Variants in BACH2 observed in about 807,000 individuals in gnomAD.
BACH2 encodes transcription regulator protein BACH2.
Under a neutral mutation model 61.8 loss-of-function variants are expected in BACH2, and 5 were observed. The observed-to-expected ratio is 0.08, with a 90% CI of 0.04 to 0.17. The LOEUF (loss-of-function observed/expected upper bound fraction) is 0.17. Ranked by LOEUF, BACH2 falls within the 10% of genes least tolerant of loss-of-function variation. The pLI, the probability that BACH2 is intolerant of heterozygous loss-of-function variation, is 1.00. For missense variants in BACH2, 824 were observed against 1,091.1 expected (o/e 0.76, Z 3.45); for synonymous variants, 446 against 440.1 (o/e 1.01, Z -0.17).
intron 5 of BACH2, among the ~76,000 whole-genome samples, chr6:90,018,036 C>T (rs571767377): frequency 4.6e-5 from 7 of 152,162 alleles, no homozygotes; most frequent in Non-Finnish European, 1.0e-4. Context: ...GTCTAGGGTT[C>T]ATTACTCCCT....
intron 6 of BACH2, among the ~76,000 whole-genome samples, chr6:89,963,911 A>T (rs1367872295): frequency 6.6e-6 from 1 of 152,228 alleles, no homozygotes; most frequent in African/African-American, 2.4e-5. Context: ...TCTAACATGG[A>T]TGAACCTTGA....
chr6:90,122,332 C>T (rs1483238611), intron 4 of BACH2, among the ~76,000 whole-genome samples: 1 of 151,952 alleles, frequency 6.6e-6, no homozygotes, highest in Admixed American at 6.5e-5. Context: ...CGAGTCAGTA[C>T]AACACAAAAA....
At chr6:90,139,475 T>C (rs1176825386) in intron 4 of BACH2, among the ~76,000 whole-genome samples, 1 of 152,220 alleles carries the variant, frequency 6.6e-6, no homozygotes, top group Non-Finnish European at 1.5e-5. Flanking sequence ...TACGTGGAGC[T>C]GTCTTCGCTT....
intron 5 of BACH2, among the ~76,000 whole-genome samples, chr6:90,055,532 A>C (rs1452920554): frequency 6.6e-6 from 1 of 152,108 alleles, no homozygotes; most frequent in Non-Finnish European, 1.5e-5. Flanking sequence ...GAATGGAACC[A>C]AGTTGGAAAA....
chr6:89,980,067 C>T (rs551472826), intron 6 of BACH2, among the ~76,000 whole-genome samples: 41 of 152,142 alleles, frequency 2.7e-4, no homozygotes, highest in Middle Eastern at 3.4e-3. Flanking sequence ...CTGAGGTAGG[C>T]GGATCACCTG....
chr6:90,158,766 G>T (rs1007340321), intron 4 of BACH2, among the ~76,000 whole-genome samples: 54 of 25,502 alleles, frequency 2.1e-3, no homozygotes, highest in African/African-American at 2.3e-3. Context: ...TTCTTTTGGT[G>T]GGGGGGGGGC....
In BACH2 at chr6:90,276,624, T is replaced by TGA. The variant is rs1197515542; in HGVS notation, c.-445-4685_-445-4684dup. 3.9e-5 allele frequency among the ~76,000 whole-genome samples: 6 copies of TGA among 152,040 alleles called. No individual in the cohort carries two copies. In the East Asian group the frequency reaches 5.8e-4, roughly 15 times the overall value. ...CTACAGATTACGCTAAGCAAAAGAG[T>TGA]GAGAGAGAGAGGAAATTTCAGTAAA... is the stretch of plus-strand genomic sequence containing the variant. On this transcript the variant is annotated intron_variant, in intron 1 of 8. Coordinates refer to ENST00000257749, the MANE Select transcript of BACH2 (RefSeq NM_021813.4).
chr6:90,286,884 C>G (rs1772034496), intron 1 of BACH2, among the ~76,000 whole-genome samples: 2 of 151,834 alleles, frequency 1.3e-5, no homozygotes. Flanking sequence ...AGAGGGGGTA[C>G]TAGAGAGAGG....
chr6:90,103,207 T>C (rs1277010575), intron 4 of BACH2, among the ~76,000 whole-genome samples: 1 of 151,486 alleles, frequency 6.6e-6, no homozygotes, highest in East Asian at 1.9e-4. Flanking sequence ...TTTGATTGAT[T>C]TAGAAAGTTA....
chr6:90,291,660 G>A (rs553297444), intron 1 of BACH2, among the ~76,000 whole-genome samples: 9 of 151,036 alleles, frequency 6.0e-5, no homozygotes, highest in Non-Finnish European at 1.3e-4. Flanking sequence ...CAATCTTACT[G>A]AGTTTACAAA....
intron 4 of BACH2, among the ~76,000 whole-genome samples, chr6:90,117,838 T>C (rs1783466169): frequency 6.6e-6 from 1 of 152,186 alleles, no homozygotes. Context: ...TTTGGATCAA[T>C]ATACATTTCT....
intron 4 of BACH2, among the ~76,000 whole-genome samples, chr6:90,202,687 C>T (rs771020382): frequency 1.2e-4 from 19 of 152,056 alleles, no homozygotes; most frequent in Non-Finnish European, 1.8e-4. Flanking sequence ...ATGGAGTGTC[C>T]TCATAAATTT....
At chr6:90,049,288 A>AGGGG (rs1779927199) in intron 5 of BACH2, among the ~76,000 whole-genome samples, 1 of 152,200 alleles carries the variant, frequency 6.6e-6, no homozygotes, top group Non-Finnish European at 1.5e-5. Context: ...TAAGTAAACA[A>AGGGG]TAAACTACTA....
chr6:90,053,641 T>C (rs1780166365), intron 5 of BACH2, among the ~76,000 whole-genome samples: 1 of 152,226 alleles, frequency 6.6e-6, no homozygotes, highest in African/African-American at 2.4e-5. Context: ...CCTTAGGTTT[T>C]GTACGTCTGA....
chr6:90,258,866 T>C (rs1055872250), intron 2 of BACH2, among the ~76,000 whole-genome samples: 2 of 152,134 alleles, frequency 1.3e-5, no homozygotes, highest in African/African-American at 2.4e-5. Flanking sequence ...CAGACTGTAA[T>C]TGGTATGAAA....
chr6:90,156,348 A>T (rs1784996501), intron 4 of BACH2, among the ~76,000 whole-genome samples: 1 of 152,160 alleles, frequency 6.6e-6, no homozygotes, highest in South Asian at 2.1e-4. Context: ...AATCTTGGAG[A>T]GTGTGCTACT....
chr6:90,083,238 G>A lies in BACH2; in HGVS notation c.-13+5723C>T, dbSNP rs182388682. ...ACCATTTCTTAAAAATCAACAGATT[G>A]GAAACTATTAGAATAAATTGATAAA... is the stretch of plus-strand genomic sequence containing the variant. On this transcript the variant is annotated intron_variant, in intron 5 of 8. Coordinates refer to ENST00000257749, the MANE Select transcript of BACH2 (RefSeq NM_021813.4). Among the ~76,000 whole-genome samples the A allele has an allele frequency of 8.5e-3, 1,298 of 152,262 alleles. 14 individuals carry two copies. The highest frequency in any genetic ancestry group is 0.03 in the African/African-American group (1,253 of 41,556).
At chr6:90,139,023 C>T (rs187093180) in intron 4 of BACH2, among the ~76,000 whole-genome samples, 4 of 152,184 alleles carry the variant, frequency 2.6e-5, no homozygotes, top group Non-Finnish European at 4.4e-5. Context: ...ATCATCTTCC[C>T]GTACACATGC....
chr6:90,267,124 A>C (rs1435510722), intron 2 of BACH2, among the ~76,000 whole-genome samples: 1 of 151,840 alleles, frequency 6.6e-6, no homozygotes, highest in Non-Finnish European at 1.5e-5. Flanking sequence ...CCACCAAAAA[A>C]CCCTCAACAC....
Sources: gnomAD v4.1 joint callset for allele counts (sites outside exome capture counted in the v4.1 genomes callset) on GRCh38, gnomAD v4.1.1 for gene constraint, MANE v1.5 for transcripts, NCBI Gene and HGNC (gene_info 2026-07-23, HGNC 2026-07-21) for gene names.